Variants in SUGCT observed in about 807,000 individuals in gnomAD.
The protein encoded by SUGCT is succinyl-CoA:glutarate CoA-transferase.
Under a neutral mutation model 55.0 loss-of-function variants are expected in SUGCT, and 41 were observed. The ratio of observed to expected loss-of-function variants is 0.74; its 90% confidence interval spans 0.58 to 0.97. The LOEUF (loss-of-function observed/expected upper bound fraction) is 0.97. Ranked by LOEUF, SUGCT falls within the 50% of genes least tolerant of loss-of-function variation. SUGCT has a pLI of 0.00. For synonymous variants in SUGCT, 187 were observed against 200.4 expected (o/e 0.93, Z 0.56); for missense variants, 568 against 547.8 (o/e 1.04, Z -0.37).
intron 1 of SUGCT, among the ~76,000 whole-genome samples, chr7:40,135,995 C>T (rs1350761947): frequency 7.1e-6 from 1 of 141,194 alleles, no homozygotes; most frequent in East Asian, 2.2e-4. Context: ...TTGCAGGATG[C>T]AGGATTTTTT....
At chr7:40,584,193 G>A (rs184208265) in intron 12 of SUGCT, among the ~76,000 whole-genome samples, 13 of 152,206 alleles carry the variant, frequency 8.5e-5, no homozygotes, top group African/African-American at 2.2e-4. Context: ...TGTATTATTC[G>A]AGAGAGGCTT....
At chr7:40,162,006 C>T (rs1784180817) in intron 1 of SUGCT, among the ~76,000 whole-genome samples, 1 of 151,868 alleles carries the variant, frequency 6.6e-6, no homozygotes, top group African/African-American at 2.4e-5. Context: ...AAGCCATTCT[C>T]CTGCCTCAGC....
At chr7:40,850,697 G>A (rs527938110) in intron 13 of SUGCT, among the ~76,000 whole-genome samples, 26 of 152,278 alleles carry the variant, frequency 1.7e-4, no homozygotes, top group African/African-American at 5.1e-4. Flanking sequence ...TATGTAACAC[G>A]TGGTTAAGAA....
the SUGCT span, among the ~76,000 whole-genome samples, chr7:40,900,430 T>C: frequency 6.6e-6 from 1 of 152,248 alleles, no homozygotes; most frequent in Non-Finnish European, 1.5e-5. Context: ...AGTGAGATTG[T>C]GCCCATAAAA....
At chr7:40,883,483 A>G in the SUGCT span, among the ~76,000 whole-genome samples, 1 of 152,222 alleles carries the variant, frequency 6.6e-6, no homozygotes, top group East Asian at 1.9e-4. Flanking sequence ...ACTCTGACCC[A>G]TATTCTGTAT....
intron 1 of SUGCT, among the ~76,000 whole-genome samples, chr7:40,173,926 T>C (rs550094495): frequency 2.0e-5 from 3 of 150,988 alleles, no homozygotes; most frequent in African/African-American, 7.3e-5. Context: ...TGTGTGTGTG[T>C]GTGTGTGTGT....
chr7:40,166,138 A>G (rs1784414348), intron 1 of SUGCT, among the ~76,000 whole-genome samples: 1 of 152,116 alleles, frequency 6.6e-6, no homozygotes, highest in African/African-American at 2.4e-5. Context: ...AATAAAAATA[A>G]CAATTGCAGC....
intron 6 of SUGCT, among the ~76,000 whole-genome samples, chr7:40,213,088 G>A (rs985522991): frequency 6.6e-6 from 1 of 151,758 alleles, no homozygotes; most frequent in East Asian, 1.9e-4. Flanking sequence ...TACTATACAA[G>A]TCTTTCATAT....
At chr7:40,894,411 A>G in the SUGCT span, among the ~76,000 whole-genome samples, 9 of 152,244 alleles carry the variant, frequency 5.9e-5, no homozygotes, top group Admixed American at 2.0e-4. Context: ...GACCTGGCAA[A>G]CATTTCATGA....
Position 40,495,059 on chromosome 7 carries a change from C to T in SUGCT, c.987-1225C>T, listed in dbSNP as rs916504709. Reference sequence around the variant, plus strand: ...CTAAGTAGCTGGGATTACAGGCACCCGCCACCATGCCTGGCTAAATTTTTG... The same window carrying T: ...CTAAGTAGCTGGGATTACAGGCACCTGCCACCATGCCTGGCTAAATTTTTG... On this transcript the variant is annotated intron_variant, in intron 11 of 13. Transcript: ENST00000335693. 3.3e-5 allele frequency among the ~76,000 whole-genome samples: 5 copies of T among 151,888 alleles called. No homozygotes were observed. The East Asian group carries it at 7.8e-4, about 24-fold the overall frequency.
intron 12 of SUGCT, among the ~76,000 whole-genome samples, chr7:40,594,444 A>G (rs1320589360): frequency 6.6e-6 from 1 of 152,096 alleles, no homozygotes; most frequent in Non-Finnish European, 1.5e-5. Flanking sequence ...ATATCCAGTT[A>G]TTATGACAGG....
Position 40,649,721 on chromosome 7 carries a change from C to T in SUGCT, c.1090-99713C>T, listed in dbSNP as rs17171752. On this transcript the variant is annotated intron_variant, in intron 12 of 13. Coordinates refer to ENST00000335693, the MANE Select transcript of SUGCT (RefSeq NM_001193313.2). ...ATGAGGCTCTTGCTCAAACTAAAGG[C>T]GTCTTCCTTCCCAAGACCAAGAGTA... is the stretch of plus-strand genomic sequence containing the variant. 3.5e-3 allele frequency among the ~76,000 whole-genome samples: 535 copies of T among 152,202 alleles called. 9 individuals carry two copies. The highest frequency in any genetic ancestry group is 0.031 in the East Asian group (160 of 5,180).
At chr7:40,265,674 G>T (rs189828066) in intron 7 of SUGCT, among the ~76,000 whole-genome samples, 60 of 152,222 alleles carry the variant, frequency 3.9e-4, no homozygotes, top group Admixed American at 1.6e-3. Context: ...AAAACCTTTG[G>T]CTGGTTGCAG....
At chr7:40,199,659 A>G (rs1442902355) in intron 6 of SUGCT, among the ~76,000 whole-genome samples, 2 of 152,172 alleles carry the variant, frequency 1.3e-5, no homozygotes, top group Admixed American at 6.5e-5. Flanking sequence ...TCGCCACTAC[A>G]TTTTAAAATG....
At chr7:40,237,530 A>C in intron 6 of SUGCT, 105 bp from the exon 7 acceptor site, 1 of 888,466 alleles carries the variant, frequency 1.1e-6, no homozygotes, top group South Asian at 1.4e-5. Context: ...ATAGTCTCGA[A>C]ATGCTGCAGG....
intron 13 of SUGCT, among the ~76,000 whole-genome samples, chr7:40,837,696 G>A (rs1426755341): frequency 1.3e-5 from 2 of 152,022 alleles, no homozygotes; most frequent in Non-Finnish European, 2.9e-5. Context: ...ATTGAACCCA[G>A]GTTGCCTCCT....
At chr7:40,859,326 T>A (rs960086580) in intron 13 of SUGCT, among the ~76,000 whole-genome samples, 3 of 152,224 alleles carry the variant, frequency 2.0e-5, no homozygotes, top group Non-Finnish European at 2.9e-5. Flanking sequence ...TGGCCTTTAA[T>A]GGGAGACAGT....
chr7:40,408,900 A>G (rs973839947), intron 9 of SUGCT, among the ~76,000 whole-genome samples: 2 of 152,184 alleles, frequency 1.3e-5, no homozygotes, highest in Non-Finnish European at 2.9e-5. Context: ...AGATACACAA[A>G]GGCCTACATG....
chr7:40,808,399 G>A (rs1428269251), intron 13 of SUGCT: 1 of 152,270 alleles, frequency 6.6e-6, no homozygotes, highest in Admixed American at 6.5e-5. Context: ...GCCAAGGCTG[G>A]ATTATCTGCA....
Sources: allele counts gnomAD v4.1 joint callset (sites outside exome capture counted in the v4.1 genomes callset), GRCh38; gene constraint gnomAD v4.1.1; transcripts MANE v1.5; gene names NCBI Gene and HGNC (gene_info 2026-07-23, HGNC 2026-07-21).